The following ARID3C variants were observed in gnomAD, a reference collection of about 807,000 sequenced individuals.
ARID3C encodes AT-rich interaction domain 3C.
In ARID3C, 42 loss-of-function variants were observed where a neutral mutation model predicts 37.9. The observed-to-expected ratio is 1.11, with a 90% CI of 0.87 to 1.43. The LOEUF is 1.43. Ranked by LOEUF, ARID3C falls within the 40% of genes most tolerant of loss-of-function variation. ARID3C has a pLI of 0.00. For synonymous variants in ARID3C, 213 were observed against 228.0 expected (o/e 0.93, Z 0.59); for missense variants, 581 against 548.8 (o/e 1.06, Z -0.59).
At chr9:34,622,559 G>A (rs775594239) in intron 4 of ARID3C, 30 bp from the exon 6 acceptor site, 2 of 1,553,860 alleles carry the variant, frequency 1.3e-6, no homozygotes, top group East Asian at 2.3e-5. Flanking sequence ...AGCTCCCCTG[G>A]CCAAACCAAC....
upstream of ARID3C, among the ~76,000 whole-genome samples, chr9:34,628,662 T>G (rs935675674): frequency 2.0e-5 from 3 of 151,002 alleles, no homozygotes; most frequent in African/African-American, 7.3e-5. This position sits in a 1 kb window ranked among gnomAD's most constrained non-coding sequence, Gnocchi z 5.2. Context: ...GGGGTTGAGA[T>G]ATAGGGAAAG....
intron 3 of ARID3C, 29 bp downstream of exon 4, chr9:34,623,835 T>G: frequency 1.1e-6 from 1 of 883,730 alleles, no homozygotes; most frequent in Non-Finnish European, 1.6e-6. Context: ...CCGTGCCCCC[T>G]TCCCTTCCGC....
intron 1 of ARID3C, 67 bp downstream of exon 2, chr9:34,627,630 C>T (rs1820673235): frequency 5.6e-5 from 82 of 1,467,682 alleles, no homozygotes; most frequent in Non-Finnish European, 7.5e-5. Flanking sequence ...TGCTAATCAC[C>T]TGGCTGTGCT....
intron 2 of ARID3C, among the ~76,000 whole-genome samples, chr9:34,624,258 A>G (rs1193301776): frequency 6.6e-6 from 1 of 152,198 alleles, no homozygotes; most frequent in Non-Finnish European, 1.5e-5. Context: ...AGATGGCTAA[A>G]TGGTCTCTGT....
chr9:34,629,844 C>A (rs1217991325), upstream of ARID3C, among the ~76,000 whole-genome samples: 1 of 152,100 alleles, frequency 6.6e-6, no homozygotes, highest in Non-Finnish European at 1.5e-5. Context: ...CCTCCGCCTC[C>A]CAGGTTCAAG....
At chr9:34,625,780 T>C in exon 2 of ARID3C, 2 of 1,613,948 alleles carry the variant, frequency 1.2e-6, no homozygotes, top group Non-Finnish European at 1.7e-6. Context: ...ATCCAGAAAT[T>C]CCTTCCTCTT....
chr9:34,624,139 G>C lies in ARID3C; in HGVS notation c.392-92C>G, dbSNP rs970369749. 2.5e-5 allele frequency: 35 copies of C among 1,421,844 alleles called. 1 individual carries two copies. The African/African-American group carries it at 5.0e-4, about 20-fold the overall frequency. The allele number at this position is 1,421,844 out of a possible 1,614,324, so 88.1% of individuals were successfully genotyped here. A position where few individuals can be genotyped will look rare whatever the true frequency, so the allele number is the denominator to read the frequency against. Reference sequence around the variant, plus strand: ...TGATACAGGACGGGAGCCCCGGGGAGGGCGGGAAAGAGGGAGACTTGGGCG... The same window carrying C: ...TGATACAGGACGGGAGCCCCGGGGACGGCGGGAAAGAGGGAGACTTGGGCG... On this transcript the variant is annotated intron_variant, in intron 2 of 6. Coordinates refer to ENST00000378909, the Ensembl canonical transcript of ARID3C.
At chr9:34,624,447 T>A (rs1260544597) in intron 2 of ARID3C, among the ~76,000 whole-genome samples, 1 of 152,356 alleles carries the variant, frequency 6.6e-6, no homozygotes, top group Non-Finnish European at 1.5e-5. Context: ...ACCATTCTTA[T>A]CTTGCAGGCA....
chr9:34,625,436 C>G (rs1298265826), intron 2 of ARID3C, among the ~76,000 whole-genome samples: 1 of 152,176 alleles, frequency 6.6e-6, no homozygotes, highest in African/African-American at 2.4e-5. Context: ...AGGAAGGACC[C>G]TGGACACAGA....
At chr9:34,621,428 G>T in exon 7 of ARID3C, 1 of 1,431,436 alleles carries the variant, frequency 7.0e-7, no homozygotes, top group Non-Finnish European at 9.3e-7. Context: ...CAGCAATGGG[G>T]CTGGGACTCT....
At chr9:34,627,798 C>A in exon 1 of ARID3C, 1 of 1,614,044 alleles carries the variant, frequency 6.2e-7, no homozygotes, top group Non-Finnish European at 8.5e-7. Flanking sequence ...CTCTCCTCAG[C>A]TGCCTCCTCC....
upstream of ARID3C, chr9:34,628,192 G>A: frequency 1.2e-6 from 1 of 811,012 alleles, no homozygotes; most frequent in Non-Finnish European, 1.8e-6. This position sits in a 1 kb window ranked among gnomAD's most constrained non-coding sequence, Gnocchi z 5.2. Flanking sequence ...CACAAGGAAA[G>A]AGGCAGAAAG....
downstream of ARID3C, chr9:34,621,332 T>C (rs1365280368): frequency 3.2e-6 from 2 of 625,386 alleles, no homozygotes; most frequent in Non-Finnish European, 5.2e-6. Flanking sequence ...TAAGTCCACA[T>C]GGCATGGGAG....
chr9:34,622,007 G>A lies in ARID3C; in HGVS notation c.1138+13C>T, dbSNP rs781536152. 8.1e-6 allele frequency: 13 copies of A among 1,612,866 alleles called. No homozygotes were observed. The Admixed American group carries it at 1.2e-4, about 14-fold the overall frequency. On this transcript the variant is annotated intron_variant, in intron 6 of 6. Transcript: ENST00000378909. ...GACCCCATGCCAGTGTAGACAGCCT[G>A]CAGTACCCATACCAGTGTAGACCAC...
exon 2 of ARID3C, chr9:34,625,754 T>C: frequency 6.2e-7 from 1 of 1,613,982 alleles, no homozygotes; most frequent in Non-Finnish European, 8.5e-7. Context: ...CTCTTTTGCA[T>C]GAAGCTAAAC....
upstream of ARID3C, among the ~76,000 whole-genome samples, chr9:34,629,405 C>T (rs376429346): frequency 6.6e-6 from 1 of 152,262 alleles, no homozygotes; most frequent in African/African-American, 2.4e-5. Flanking sequence ...CAGTCTCACA[C>T]GTTCCGTGAC....
intron 4 of ARID3C, 37 bp from the exon 6 acceptor site, chr9:34,622,566 C>A (rs764152378): frequency 1.3e-6 from 2 of 1,543,408 alleles, no homozygotes; most frequent in Admixed American, 2.0e-5. Context: ...CTGGCCAAAC[C>A]AACCCATCTC....
upstream of ARID3C, among the ~76,000 whole-genome samples, chr9:34,630,148 G>T (rs925860339): frequency 2.0e-5 from 3 of 152,094 alleles, no homozygotes; most frequent in African/African-American, 7.2e-5. Context: ...AACAGTGACC[G>T]GCACTTCGCC....
At chr9:34,622,584 G>T in intron 4 of ARID3C, 55 bp from the exon 6 acceptor site, 2 of 1,514,098 alleles carry the variant, frequency 1.3e-6, no homozygotes, top group Non-Finnish European at 8.9e-7. Context: ...CTCTGCATTG[G>T]TTCTCCCCCA....
Sources: allele counts gnomAD v4.1 joint callset (sites outside exome capture counted in the v4.1 genomes callset), GRCh38; gene constraint gnomAD v4.1.1; non-coding constraint Gnocchi (gnomAD v3.1); transcripts MANE v1.5; gene names NCBI Gene and HGNC (gene_info 2026-07-23, HGNC 2026-07-21).